Variants in SGCD observed in about 807,000 individuals in gnomAD.
SGCD encodes delta-sarcoglycan.
SGCD carries 18 observed loss-of-function variants against 36.6 expected under a neutral mutation model. The ratio of observed to expected loss-of-function variants is 0.49; its 90% CI spans 0.34 to 0.73. SGCD has a LOEUF of 0.73. Ranked by LOEUF, SGCD falls within the 30% of genes least tolerant of loss-of-function variation. The pLI is 0.01. For synonymous variants in SGCD, 133 were observed against 130.6 expected, an observed-to-expected ratio of 1.02 and a Z score of -0.12; for missense variants, 387 against 346.7, an observed-to-expected ratio of 1.12 and a Z score of -0.92.
At chr5:155,776,639 C>G in the SGCD span, among the ~76,000 whole-genome samples, 128 of 151,140 alleles carry the variant, frequency 8.5e-4, no homozygotes, top group Admixed American at 8.2e-3. Flanking sequence ...CAACACCCCC[C>G]ACCCCCGCCC....
intron 1 of SGCD, among the ~76,000 whole-genome samples, chr5:156,050,631 A>G (rs1169741664): frequency 6.8e-6 from 1 of 146,418 alleles, no homozygotes; most frequent in Non-Finnish European, 1.5e-5. Flanking sequence ...AAAGCACCAC[A>G]AATGCAGTGG....
chr5:155,886,319 G>A (rs892254098), intron 1 of SGCD, among the ~76,000 whole-genome samples: 21 of 152,070 alleles, frequency 1.4e-4, no homozygotes, highest in African/African-American at 2.7e-4. Flanking sequence ...ATCTATTTAC[G>A]CCAAAAGGAA....
At chr5:155,892,188 T>C (rs1421175028) in intron 1 of SGCD, among the ~76,000 whole-genome samples, 1 of 152,110 alleles carries the variant, frequency 6.6e-6, no homozygotes, top group Non-Finnish European at 1.5e-5. Flanking sequence ...CCAGGCACAG[T>C]GGCTCACGCC....
chr5:156,072,611 G>T (rs984395170), intron 1 of SGCD, among the ~76,000 whole-genome samples: 6 of 152,008 alleles, frequency 3.9e-5, no homozygotes, highest in Non-Finnish European at 7.4e-5. Flanking sequence ...TATGTGTCTT[G>T]GAGTTGTTCT....
chr5:155,733,121 A>G, the SGCD span, among the ~76,000 whole-genome samples: 1 of 151,996 alleles, frequency 6.6e-6, no homozygotes, highest in Non-Finnish European at 1.5e-5. Context: ...ACTTGACACA[A>G]AATGATGCCA....
At chr5:156,175,719 C>G (rs1211371656) in intron 3 of SGCD, among the ~76,000 whole-genome samples, 1 of 152,164 alleles carries the variant, frequency 6.6e-6, no homozygotes, top group Non-Finnish European at 1.5e-5. Context: ...CAAATAAATT[C>G]ACTTGGAAGT....
At chr5:156,294,463 A>G (rs1766843794) in intron 3 of SGCD, among the ~76,000 whole-genome samples, 1 of 152,104 alleles carries the variant, frequency 6.6e-6, no homozygotes, top group Non-Finnish European at 1.5e-5. Flanking sequence ...ATAAATTTGG[A>G]TGCTTTTTAT....
chr5:156,522,800 T>C (rs1757471182), intron 4 of SGCD, among the ~76,000 whole-genome samples: 1 of 146,608 alleles, frequency 6.8e-6, no homozygotes, highest in Non-Finnish European at 1.5e-5. Flanking sequence ...TACAAAATCC[T>C]GTGTAAATGT....
At chr5:155,869,090 A>G (rs142648457), upstream of SGCD, among the ~76,000 whole-genome samples, 36 of 152,334 alleles carry the variant, frequency 2.4e-4, no homozygotes, top group African/African-American at 8.4e-4. Context: ...TCAGATGTCA[A>G]TAATTAGGTT....
At chr5:156,732,895 G>C (rs1174118768) in intron 7 of SGCD, among the ~76,000 whole-genome samples, 1 of 152,086 alleles carries the variant, frequency 6.6e-6, no homozygotes, top group Non-Finnish European at 1.5e-5. Context: ...TGTGATGGTT[G>C]TATTTCTTTG....
chr5:155,838,770 A>T, the SGCD span, among the ~76,000 whole-genome samples: 3 of 100,124 alleles, frequency 3.0e-5, no homozygotes, highest in Non-Finnish European at 4.0e-5. Context: ...TATTAAAGAG[A>T]TTTGCAAAAA....
intron 7 of SGCD, among the ~76,000 whole-genome samples, chr5:156,727,811 C>A (rs1755853614): frequency 6.6e-6 from 1 of 152,180 alleles, no homozygotes; most frequent in Admixed American, 6.5e-5. Context: ...CTGGGTTTCC[C>A]TTGATAAATC....
chr5:156,065,634 TA>T (rs1237477226), intron 1 of SGCD, among the ~76,000 whole-genome samples: 1 of 22,042 alleles, frequency 4.5e-5, no homozygotes, highest in Non-Finnish European at 8.0e-5. Context: ...ATTGGGTGCA[TA>T]AATATTTAGG....
rs572258667 is a variant in SGCD at position 156,339,945 on chromosome 5, A to G, written c.4-4544A>G. Among the ~76,000 whole-genome samples, 3 of 152,358 alleles carry G rather than the reference A, an allele frequency of 2.0e-5. No individual in the cohort carries two copies. In the South Asian group the frequency reaches 6.2e-4, roughly 32 times the overall value. On this transcript the variant is annotated intron_variant, in intron 2 of 8. Coordinates refer to ENST00000337851, the MANE Select transcript of SGCD (RefSeq NM_000337.6). ...TTAATTGTCTCTTCATATGACAGCT[A>G]TATGCCATTATCACTTTCTGTATGG... is the stretch of plus-strand genomic sequence containing the variant.
intron 1 of SGCD, among the ~76,000 whole-genome samples, chr5:156,078,086 C>A (rs144317342): frequency 6.6e-6 from 1 of 151,974 alleles, no homozygotes; most frequent in East Asian, 1.9e-4. Context: ...GGTGAGTAAC[C>A]AAATCTAGGG....
intron 1 of SGCD, among the ~76,000 whole-genome samples, chr5:156,058,856 A>G (rs1760130552): frequency 6.9e-6 from 1 of 145,838 alleles, no homozygotes. Context: ...ATATAGATGA[A>G]ACAAGATTGG....
chr5:156,593,427 T>G (rs1760803185), intron 5 of SGCD, among the ~76,000 whole-genome samples: 1 of 152,122 alleles, frequency 6.6e-6, no homozygotes, highest in Admixed American at 6.5e-5. Context: ...GTCATGTGTG[T>G]ACATAGCAAA....
rs950879634 is a variant in SGCD, at chr5:156,644,815, C to G, written c.503-2649C>G. 1.3e-4 allele frequency among the ~76,000 whole-genome samples: 20 copies of G among 152,094 alleles called. 1 individual carries two copies. Among genetic ancestry groups the G allele is most frequent in the Non-Finnish European group, 2.5e-4 (17 of 68,014 alleles). On this transcript the variant is annotated intron_variant, in intron 6 of 8. Coordinates refer to ENST00000337851, the MANE Select transcript of SGCD (RefSeq NM_000337.6). The stretch of plus-strand genomic sequence containing the variant: ...GACTAGATTTCAGGTCTCTTGACAT[C>G]TGGGACACTTTGAGTCAAAAGTATG...
chr5:155,972,957 C>A (rs951250859), intron 1 of SGCD, among the ~76,000 whole-genome samples: 3 of 152,134 alleles, frequency 2.0e-5, no homozygotes, highest in Non-Finnish European at 4.4e-5. Flanking sequence ...AGATATGTCA[C>A]ATATGTCGTT....
Sources: allele counts gnomAD v4.1 joint callset (sites outside exome capture counted in the v4.1 genomes callset), GRCh38; gene constraint gnomAD v4.1.1; transcripts MANE v1.5; gene names NCBI Gene and HGNC (gene_info 2026-07-23, HGNC 2026-07-21).